CNBD1: variants seen among roughly 807,000 people sequenced by gnomAD.
The protein encoded by CNBD1 is cyclic nucleotide-binding domain-containing protein 1.
CNBD1 carries 71 observed loss-of-function variants against 54.4 expected under a neutral mutation model. The ratio of observed to expected loss-of-function variants is 1.30; its 90% CI spans 1.08 to 1.59. The LOEUF is 1.59. CNBD1 is among the 40% of genes most tolerant of loss of function. CNBD1 has a pLI of 0.00. For missense variants in CNBD1, 659 were observed against 518.0 expected (o/e 1.27, Z -2.64); for synonymous variants, 182 against 170.7 (o/e 1.07, Z -0.51).
At chr8:87,374,396 A>T (rs1282002774) in intron 10 of CNBD1, among the ~76,000 whole-genome samples, 1 of 151,886 alleles carries the variant, frequency 6.6e-6, no homozygotes, top group Non-Finnish European at 1.5e-5. Flanking sequence ...CACAAATGAT[A>T]AAAAATACCA....
At chr8:87,207,068 T>G (rs552378470) in intron 5 of CNBD1, among the ~76,000 whole-genome samples, 1 of 152,288 alleles carries the variant, frequency 6.6e-6, no homozygotes, top group East Asian at 1.9e-4. Flanking sequence ...CTTTCATAAT[T>G]AGTTCCATTT....
At chr8:87,397,927 G>T (rs1811438198) in intron 2 of CNBD1, among the ~76,000 whole-genome samples, 1 of 151,958 alleles carries the variant, frequency 6.6e-6, no homozygotes, top group Non-Finnish European at 1.5e-5. Context: ...TTTGCCTGCT[G>T]CCATTCACGT....
At chr8:86,993,562 C>T (rs2130532258) in intron 4 of CNBD1, among the ~76,000 whole-genome samples, 1 of 152,264 alleles carries the variant, frequency 6.6e-6, no homozygotes, top group East Asian at 1.9e-4. Flanking sequence ...TTTTGTGCTG[C>T]TTATAGCTCA....
intron 4 of CNBD1, among the ~76,000 whole-genome samples, chr8:87,100,343 A>G (rs555685917): frequency 2.0e-5 from 3 of 152,328 alleles, no homozygotes; most frequent in Admixed American, 1.3e-4. Flanking sequence ...AATGACCAGA[A>G]ACAGGCAAAA....
intron 2 of CNBD1, among the ~76,000 whole-genome samples, chr8:87,404,546 T>C (rs1468307831): frequency 6.6e-6 from 1 of 152,096 alleles, no homozygotes; most frequent in African/African-American, 2.4e-5. Flanking sequence ...TTCCTTGAAT[T>C]AATTAATACA....
At chr8:86,867,779 G>T (rs911763875) in intron 1 of CNBD1, among the ~76,000 whole-genome samples, 2 of 152,146 alleles carry the variant, frequency 1.3e-5, no homozygotes, top group African/African-American at 4.8e-5. Context: ...CTCGGTAGCT[G>T]GGAGTTAAAA....
chr8:87,240,339 A>C (rs2130828963), intron 6 of CNBD1, among the ~76,000 whole-genome samples: 1 of 152,274 alleles, frequency 6.6e-6, no homozygotes, highest in South Asian at 2.1e-4. Flanking sequence ...AAAACTGATA[A>C]AAATATATTA....
intron 4 of CNBD1, among the ~76,000 whole-genome samples, chr8:87,117,353 C>T (rs190893457): frequency 1.1e-3 from 162 of 146,536 alleles, no homozygotes; most frequent in African/African-American, 3.5e-3. Flanking sequence ...GAGCCGAGAC[C>T]GTGCCACTGC....
chr8:86,885,226 A>T (rs1043315242), intron 1 of CNBD1, among the ~76,000 whole-genome samples: 1 of 152,222 alleles, frequency 6.6e-6, no homozygotes, highest in Non-Finnish European at 1.5e-5. Flanking sequence ...TATCTACCTT[A>T]AATAATCATT....
At chr8:87,180,455 C>T (rs573042736) in intron 4 of CNBD1, among the ~76,000 whole-genome samples, 1 of 152,248 alleles carries the variant, frequency 6.6e-6, no homozygotes, top group African/African-American at 2.4e-5. Context: ...TATTGGCATA[C>T]TCCAGTTTTA....
chr8:87,340,524 C>T (rs1337234729), intron 8 of CNBD1, among the ~76,000 whole-genome samples: 1 of 152,112 alleles, frequency 6.6e-6, no homozygotes, highest in African/African-American at 2.4e-5. Context: ...TTTGGGAACT[C>T]TCATAATGCA....
intron 4 of CNBD1, among the ~76,000 whole-genome samples, chr8:86,970,047 T>G (rs886394434): frequency 6.6e-6 from 1 of 152,138 alleles, no homozygotes; most frequent in African/African-American, 2.4e-5. Flanking sequence ...CTTTTCATTC[T>G]TGAATGTTTT....
intron 4 of CNBD1, among the ~76,000 whole-genome samples, chr8:86,972,483 C>G (rs150457237): frequency 6.2e-4 from 94 of 152,272 alleles, no homozygotes; most frequent in African/African-American, 2.2e-3. Context: ...AATAATTTAT[C>G]TAACCTGAGT....
chr8:87,013,723 G>A (rs962888824), intron 4 of CNBD1, among the ~76,000 whole-genome samples: 1 of 150,282 alleles, frequency 6.7e-6, no homozygotes, highest in Non-Finnish European at 1.5e-5. Context: ...GTGTTTGTAT[G>A]TGTATGTATG....
rs562140475 is a variant in CNBD1 at position 87,340,755 on chromosome 8, G to A, written c.1043-10930G>A. The stretch of plus-strand genomic sequence containing the variant: ...AATTCAGATATTCTATTCCTGAGTT[G>A]TAACATTTGATTCTTTTTTATATTT... On this transcript the variant is annotated intron_variant, in intron 8 of 10. Coordinates refer to ENST00000518476, the MANE Select transcript of CNBD1 (RefSeq NM_173538.3). Among the ~76,000 whole-genome samples, 81 of 151,960 alleles carry A rather than the reference G, an allele frequency of 5.3e-4. 1 individual carries two copies. The highest frequency in any genetic ancestry group is 1.5e-3 in the African/African-American group (63 of 41,470).
intron 4 of CNBD1, among the ~76,000 whole-genome samples, chr8:86,969,083 C>T (rs1054545879): frequency 6.6e-6 from 1 of 152,120 alleles, no homozygotes; most frequent in African/African-American, 2.4e-5. Flanking sequence ...CAGTTCCCAG[C>T]TCGAATTTTC....
intron 4 of CNBD1, among the ~76,000 whole-genome samples, chr8:87,148,025 G>GT (rs1368840553): frequency 6.6e-6 from 1 of 152,080 alleles, no homozygotes; most frequent in Non-Finnish European, 1.5e-5. Flanking sequence ...TTAAATTAGA[G>GT]TTTTTTAAAA....
At chr8:87,236,835 C>T (rs559016150) in intron 5 of CNBD1, 84 bp from the exon 6 acceptor site, 35 of 704,474 alleles carry the variant, frequency 5.0e-5, no homozygotes, top group Non-Finnish European at 6.8e-5. Context: ...TTGAAAGTAC[C>T]GTAAGTGTAA....
intron 10 of CNBD1, among the ~76,000 whole-genome samples, chr8:87,355,530 T>C (rs1810403290): frequency 6.6e-6 from 1 of 152,120 alleles, no homozygotes. Flanking sequence ...ATACTATAAA[T>C]ACTCAAATTG....
Sources: allele counts gnomAD v4.1 joint callset (sites outside exome capture counted in the v4.1 genomes callset), GRCh38; gene constraint gnomAD v4.1.1; transcripts MANE v1.5; gene names NCBI Gene and HGNC (gene_info 2026-07-23, HGNC 2026-07-21).